FAHD2A: variants seen among roughly 807,000 people sequenced by gnomAD.
FAHD2A encodes the protein fumarylacetoacetate hydrolase domain containing 2A.
FAHD2A carries 27 observed loss-of-function variants against 33.4 expected under a neutral mutation model. The observed-to-expected ratio is 0.81, with a 90% CI of 0.60 to 1.11. FAHD2A has a LOEUF of 1.11. Among genes scored for constraint, FAHD2A ranks in the 50% most tolerant of loss-of-function variants. The pLI, the probability that FAHD2A is intolerant of heterozygous loss-of-function variation, is 0.00. For missense variants in FAHD2A, 296 were observed against 395.0 expected, an observed-to-expected ratio of 0.75 and a Z score of 2.12; for synonymous variants, 130 against 153.3, an observed-to-expected ratio of 0.85 and a Z score of 1.12.
chr2:95,404,354 C>T (rs757970600), intron 1 of FAHD2A, among the ~76,000 whole-genome samples: 9 of 151,836 alleles, frequency 5.9e-5, no homozygotes, highest in East Asian at 3.9e-4. Context: ...AGTGCAGTGG[C>T]GCGATCTCAG....
chr2:95,415,332 A>C lies in FAHD2A; in HGVS notation c.*2375A>C, dbSNP rs1429873710. The C allele has an allele frequency of 6.6e-6, 1 of 152,156 alleles. No individual in the cohort carries two copies. The highest frequency in any genetic ancestry group is 1.5e-5 in the Non-Finnish European group (1 of 68,026). 9.4% of individuals were successfully genotyped at this position (152,156 alleles called of 1,614,324 possible). The stretch of plus-strand genomic sequence containing the variant: ...GCTCTCTCCTCACTAACACCCGAGA[A>C]GCCCAGACTTCCCAGTGTTTAGCAA... On this transcript the variant is annotated 3_prime_UTR_variant, in exon 8 of 8. Transcript: ENST00000233379.
intron 2 of FAHD2A, among the ~76,000 whole-genome samples, chr2:95,406,072 A>G (rs1218439921): frequency 1.3e-5 from 2 of 150,616 alleles, no homozygotes; most frequent in Non-Finnish European, 3.0e-5. Context: ...ATACTTCATC[A>G]CACTGCCTCC....
chr2:95,420,067 G>C (rs941114290), downstream of FAHD2A, among the ~76,000 whole-genome samples: 11 of 151,928 alleles, frequency 7.2e-5, no homozygotes, highest in African/African-American at 1.2e-4. Context: ...TTAGACAGAG[G>C]GCAAATTCAC....
intron 2 of FAHD2A, among the ~76,000 whole-genome samples, chr2:95,406,328 A>G (rs1377250206): frequency 6.8e-6 from 1 of 146,526 alleles, no homozygotes; most frequent in South Asian, 2.3e-4. Context: ...ATACTTTAAG[A>G]TGTCATTTTC....
rs775267251 is a variant in FAHD2A, at chr2:95,410,930, C to A, written c.589C>A (p.Gln197Lys). The A allele has an allele frequency of 1.9e-6, 3 of 1,613,994 alleles. No individual in the cohort carries two copies. The South Asian group carries it at 3.3e-5, about 18-fold the overall frequency. ...VAHDVSARDW[Q>K]MRRNGKQWLL... is the part of the protein sequence containing the mutation. ...TCATGACGTGAGTGCTCGTGACTGG[C>A]AAATGAGACGTAATGGGAAACAATG... The change falls in exon 5 of 8, where the codon CAA (glutamine) becomes AAA (lysine). Residue 197 changes from glutamine to lysine, a missense_variant. Transcript: ENST00000233379.
intron 1 of FAHD2A, 54 bp from the exon 2 acceptor site, chr2:95,405,499 C>T: frequency 6.4e-7 from 1 of 1,555,346 alleles, no homozygotes; most frequent in South Asian, 1.2e-5. Context: ...TTCAGGGAAC[C>T]TGATGATGGC....
intron 1 of FAHD2A, among the ~76,000 whole-genome samples, chr2:95,403,804 C>A (rs551058260): frequency 1.3e-3 from 199 of 152,346 alleles, no homozygotes; most frequent in Non-Finnish European, 2.1e-3. Context: ...ACAGTACCTA[C>A]CTTCCACAAT....
chr2:95,408,366 C>G (rs1232000399), intron 3 of FAHD2A, among the ~76,000 whole-genome samples: 1 of 152,130 alleles, frequency 6.6e-6, no homozygotes, highest in African/African-American at 2.4e-5. Context: ...TGGTTTCAAT[C>G]TAGGACAGGG....
At chr2:95,420,927 G>T (rs1314870438), downstream of FAHD2A, among the ~76,000 whole-genome samples, 1 of 151,898 alleles carries the variant, frequency 6.6e-6, no homozygotes, top group Admixed American at 6.6e-5. Context: ...TCACTTTAAA[G>T]ATGAGACAAC....
At position 95,410,904 on chromosome 2, in the gene FAHD2A, C is replaced by T; in HGVS notation, c.563C>T (p.Ala188Val). The change falls in exon 5 of 8, where the codon GCT (alanine) becomes GTT (valine). Residue 188 changes from alanine (A) to valine (V), a missense_variant. Physicochemically the swap from Ala to Val is moderately conservative, Grantham distance 64. Coordinates refer to ENST00000233379, the MANE Select transcript of FAHD2A (RefSeq NM_016044.3). ...AMAHVAGFTV[A>V]HDVSARDWQM... is the part of the protein sequence containing the mutation. Reference sequence around the variant, plus strand: ...GCCCACGTGGCCGGCTTCACTGTGGCTCATGACGTGAGTGCTCGTGACTGG... The same window carrying T: ...GCCCACGTGGCCGGCTTCACTGTGGTTCATGACGTGAGTGCTCGTGACTGG... 3 of 1,614,028 alleles carry T rather than the reference C, an allele frequency of 1.9e-6. No homozygotes were observed. The highest frequency in any genetic ancestry group is 1.7e-6 in the Non-Finnish European group (2 of 1,179,858).
In FAHD2A at chr2:95,413,047, G is replaced by C. The variant is rs531371616; in HGVS notation, c.*90G>C. On this transcript the variant is annotated 3_prime_UTR_variant, in exon 8 of 8. Transcript: ENST00000233379. ...AAAGGCCCAGTGACAGGTGTGGACA[G>C]GTGCCAGCCCTGCAAGCCGCCTCTT... The C allele has an allele frequency of 6.0e-5, 89 of 1,491,698 alleles. 1 individual carries two copies. The East Asian group carries it at 2.0e-3, about 34-fold the overall frequency. The allele number at this position is 1,491,698 out of a possible 1,614,324, so 92.4% of individuals were successfully genotyped here. A position where few individuals can be genotyped will look rare whatever the true frequency, so the allele number is the denominator to read the frequency against.
chr2:95,414,592 C>T lies in FAHD2A; in HGVS notation c.*1635C>T. On this transcript the variant is annotated 3_prime_UTR_variant, in exon 8 of 8. Coordinates refer to ENST00000233379, the MANE Select transcript of FAHD2A (RefSeq NM_016044.3). ...TCCTCCTCCCTGCTCCAGAATTCTA[C>T]TTGGTGCCCCCCAACCCCACTCGAC... is the stretch of plus-strand genomic sequence containing the variant. 1 of 261,552 alleles carries T rather than the reference C, an allele frequency of 3.8e-6. No homozygotes were observed. The highest frequency in any genetic ancestry group is 4.1e-5 in the South Asian group (1 of 24,256). The allele number at this position is 261,552 out of a possible 1,614,324, so 16.2% of individuals were successfully genotyped here.
rs528488791 is a variant in FAHD2A, at chr2:95,415,613, G to T, written c.*2656G>T. 6.5e-6 allele frequency: 1 copy of T among 152,724 alleles called. No individual in the cohort carries two copies. The highest frequency in any genetic ancestry group is 2.4e-5 in the African/African-American group (1 of 41,572). 9.5% of individuals were successfully genotyped at this position (152,724 alleles called of 1,614,324 possible). A position where few individuals can be genotyped will look rare whatever the true frequency, so the allele number is the denominator to read the frequency against. The stretch of plus-strand genomic sequence containing the variant: ...TCAGGCAGGCGGCAACACTCTCCAT[G>T]TATCACTCGCCAGCCGTGCAGTCCT... On this transcript the variant is annotated 3_prime_UTR_variant, in exon 8 of 8. Coordinates refer to ENST00000233379, the MANE Select transcript of FAHD2A (RefSeq NM_016044.3).
At chr2:95,404,460 G>A (rs1214395147) in intron 1 of FAHD2A, among the ~76,000 whole-genome samples, 1 of 152,010 alleles carries the variant, frequency 6.6e-6, no homozygotes, top group Non-Finnish European at 1.5e-5. Context: ...CACTCGGCGA[G>A]TTTTTTGTAT....
chr2:95,419,854 C>G (rs906719353), downstream of FAHD2A, among the ~76,000 whole-genome samples: 4 of 151,928 alleles, frequency 2.6e-5, no homozygotes, highest in Non-Finnish European at 4.4e-5. Context: ...GAGAGAGACA[C>G]ATTGAGAGAC....
At chr2:95,405,164 T>C in intron 1 of FAHD2A, 1 of 167,042 alleles carries the variant, frequency 6.0e-6, no homozygotes, top group Non-Finnish European at 1.3e-5. Flanking sequence ...CTGACCATCT[T>C]CACAGCATTA....
In FAHD2A at chr2:95,415,354, G is replaced by A. The variant is rs1481060326; in HGVS notation, c.*2397G>A. 1 of 151,214 alleles carries A rather than the reference G, an allele frequency of 6.6e-6. No homozygotes were observed. The highest frequency in any genetic ancestry group is 1.5e-5 in the Non-Finnish European group (1 of 67,934). The allele number at this position is 151,214 out of a possible 1,614,324, so 9.4% of individuals were successfully genotyped here. On this transcript the variant is annotated 3_prime_UTR_variant, in exon 8 of 8. Transcript: ENST00000233379. ...AGAAGCCCAGACTTCCCAGTGTTTA[G>A]CAACAGATTAAACTCTAAGCCAACA...
At chr2:95,409,042 C>T (rs1185312574) in intron 3 of FAHD2A, among the ~76,000 whole-genome samples, 1 of 151,682 alleles carries the variant, frequency 6.6e-6, no homozygotes, top group Non-Finnish European at 1.5e-5. Flanking sequence ...TCAGGGTAAG[C>T]ATTTTTATCA....
At chr2:95,411,113 G>A in intron 5 of FAHD2A, 87 bp downstream of exon 5, 1 of 1,558,880 alleles carries the variant, frequency 6.4e-7, no homozygotes, top group Non-Finnish European at 8.7e-7. Flanking sequence ...GGTACATGTG[G>A]CACCTGCCCT....
Sources: gnomAD v4.1 joint callset for allele counts (sites outside exome capture counted in the v4.1 genomes callset) on GRCh38, gnomAD v4.1.1 for gene constraint, MANE v1.5 for transcripts, NCBI Gene and HGNC (gene_info 2026-07-23, HGNC 2026-07-21) for gene names.